Variants in SPATA31H1 observed in about 807,000 individuals in gnomAD.
SPATA31H1 encodes SPATA31 subfamily H member 1.
chr2:27,553,937 G>T, the SPATA31H1 span, among the ~76,000 whole-genome samples: 11 of 151,740 alleles, frequency 7.2e-5, no homozygotes, highest in African/African-American at 2.7e-4. Context: ...AAAAAGAAAA[G>T]AAATCTCATT....
chr2:27,565,557 C>A, the SPATA31H1 span: 2 of 614,084 alleles, frequency 3.3e-6, no homozygotes, highest in South Asian at 4.2e-5. Context: ...TGTATGTATA[C>A]GGCTCCATAA....
At chr2:27,579,966 T>G in the SPATA31H1 span, 1 of 1,614,164 alleles carries the variant, frequency 6.2e-7, no homozygotes, top group South Asian at 1.1e-5. Context: ...AGGACTTAAT[T>G]GCCATCATAA....
the SPATA31H1 span, chr2:27,579,063 A>G: frequency 6.2e-7 from 1 of 1,614,064 alleles, no homozygotes; most frequent in African/African-American, 1.3e-5. Context: ...GAGGAAGCAA[A>G]TGGAGGAGCT....
the SPATA31H1 span, among the ~76,000 whole-genome samples, chr2:27,541,968 A>G: frequency 1.3e-5 from 2 of 151,916 alleles, no homozygotes; most frequent in South Asian, 4.1e-4. Context: ...GAGAGAGGGT[A>G]TCGCCATGGT....
the SPATA31H1 span, chr2:27,577,302 C>T: frequency 8.7e-5 from 141 of 1,613,890 alleles, no homozygotes; most frequent in Non-Finnish European, 1.1e-4. This position sits in a 1 kb window ranked among gnomAD's most constrained non-coding sequence, Gnocchi z 4.5. Context: ...GTCACGGCCC[C>T]GAGTTAAGGA....
the SPATA31H1 span, chr2:27,577,885 C>T: frequency 6.2e-7 from 1 of 1,614,114 alleles, no homozygotes; most frequent in Non-Finnish European, 8.5e-7. This position sits in a 1 kb window ranked among gnomAD's most constrained non-coding sequence, Gnocchi z 4.5. Context: ...GAGCTCACCT[C>T]TGAGGCACGG....
chr2:27,579,236 T>G, the SPATA31H1 span: 1 of 1,614,178 alleles, frequency 6.2e-7, no homozygotes, highest in Non-Finnish European at 8.5e-7. Flanking sequence ...CAAGAAAATA[T>G]CTCTCCACTA....
At chr2:27,563,037 T>C in the SPATA31H1 span, among the ~76,000 whole-genome samples, 1 of 152,178 alleles carries the variant, frequency 6.6e-6, no homozygotes, top group South Asian at 2.1e-4. Context: ...TTCTGTATTC[T>C]TGGTTTACTT....
chr2:27,573,525 G>A, the SPATA31H1 span: 1 of 398,468 alleles, frequency 2.5e-6, no homozygotes, highest in Non-Finnish European at 4.4e-6. Context: ...ATCACTCCAG[G>A]AACATCAGTT....
At chr2:27,568,113 C>T in the SPATA31H1 span, 5 of 398,856 alleles carry the variant, frequency 1.3e-5, no homozygotes, top group African/African-American at 8.2e-5. Context: ...TCCTGTAGCA[C>T]TGCTTCAAGT....
At chr2:27,538,830 CAA>C in the SPATA31H1 span, among the ~76,000 whole-genome samples, 1 of 138,304 alleles carries the variant, frequency 7.2e-6, no homozygotes. Flanking sequence ...GACTCTGTCT[CAA>C]AAAAAAAAAG....
chr2:27,567,302 G>A, the SPATA31H1 span: 1 of 561,060 alleles, frequency 1.8e-6, no homozygotes, highest in Non-Finnish European at 3.2e-6. Flanking sequence ...TGTCTCAGAA[G>A]GTTTTTGCTT....
chr2:27,577,002 C>T, the SPATA31H1 span: 1 of 1,614,044 alleles, frequency 6.2e-7, no homozygotes, highest in South Asian at 1.1e-5. The surrounding 1 kb of genome is among the most constrained non-coding windows in gnomAD (Gnocchi z 4.5). Context: ...GTATCAAATC[C>T]CTAAATCTGC....
At chr2:27,540,008 G>T in the SPATA31H1 span, among the ~76,000 whole-genome samples, 1 of 131,684 alleles carries the variant, frequency 7.6e-6, no homozygotes, top group African/African-American at 2.8e-5. Context: ...GGCTGGCCGG[G>T]CGGGGGGCTG....
chr2:27,574,907 A>G, the SPATA31H1 span: 3 of 398,446 alleles, frequency 7.5e-6, no homozygotes, highest in African/African-American at 4.1e-5. Flanking sequence ...AAGTGATCCC[A>G]GCGACAAAGC....
the SPATA31H1 span, chr2:27,579,227 A>T: frequency 6.2e-6 from 10 of 1,614,124 alleles, no homozygotes. Flanking sequence ...AGCGACTACC[A>T]AGAAAATATC....
chr2:27,558,779 C>T, the SPATA31H1 span, among the ~76,000 whole-genome samples: 1 of 103,436 alleles, frequency 9.7e-6, no homozygotes, highest in East Asian at 2.8e-4. Flanking sequence ...TGCGCGCCTG[C>T]AATCGCAGGC....
At chr2:27,577,296 C>T in the SPATA31H1 span, 279 of 1,614,020 alleles carry the variant, frequency 1.7e-4, 3 homozygotes, top group African/African-American at 2.1e-3. The surrounding 1 kb of genome is among the most constrained non-coding windows in gnomAD (Gnocchi z 4.5). Flanking sequence ...CTCTCAGTCA[C>T]GGCCCCGAGT....
the SPATA31H1 span, among the ~76,000 whole-genome samples, chr2:27,542,476 G>C: frequency 6.6e-6 from 1 of 151,938 alleles, no homozygotes; most frequent in Non-Finnish European, 1.5e-5. Flanking sequence ...GTAACTAGAG[G>C]CTCTCATATT....
Sources: gnomAD v4.1 joint callset for allele counts (sites outside exome capture counted in the v4.1 genomes callset) on GRCh38, gnomAD v4.1.1 for gene constraint, Gnocchi (gnomAD v3.1) non-coding constraint, MANE v1.5 for transcripts, NCBI Gene and HGNC (gene_info 2026-07-23, HGNC 2026-07-21) for gene names.